Variants in GDF1 observed in about 807,000 individuals in gnomAD.
The protein encoded by GDF1 is embryonic growth/differentiation factor 1.
Under a neutral mutation model 7.4 loss-of-function variants are expected in GDF1, and 8 were observed. The observed-to-expected ratio is 1.09, with a 90% confidence interval of 0.64 to 1.96. The LOEUF is 1.96. Among genes scored for constraint, GDF1 ranks in the 30% most tolerant of loss-of-function variants. The probability of loss-of-function intolerance (pLI) is 0.00; values close to 1 mark genes in which losing one functional copy is unlikely to be tolerated. For missense variants in GDF1, 574 were observed against 551.5 expected (o/e 1.04, Z -0.41); for synonymous variants, 311 against 276.7 (o/e 1.12, Z -1.23).
chr19:18,885,329 T>C (rs1425934003), intron 2 of GDF1, among the ~76,000 whole-genome samples: 1 of 151,644 alleles, frequency 6.6e-6, no homozygotes, highest in African/African-American at 2.4e-5. Flanking sequence ...GCCTCCTGAG[T>C]AGCTGGGACC....
rs1427840404 is a variant in GDF1 at position 18,868,877 on chromosome 19, C to G, written c.839G>C (p.Gly280Ala). ...CGGCGCGATGACCCAGCGGTGCCAG[C>G]CCACCTCGCGGAAGCTCACGTACAG... ...RRLYVSFREV[G>A]WHRWVIAPRG... Residue 280 changes from glycine (G) to alanine (A), a missense_variant, in exon 8 of 8, where the codon GGC becomes GCC. Gly to Ala is a moderately conservative substitution (Grantham distance 60). Transcript: ENST00000247005. The G allele has an allele frequency of 3.5e-6, 5 of 1,434,632 alleles. No homozygotes were observed. In the African/African-American group the frequency reaches 7.5e-5, roughly 22 times the overall value. The allele number at this position is 1,434,632 out of a possible 1,614,324, so 88.9% of individuals were successfully genotyped here. A position where few individuals can be genotyped will look rare whatever the true frequency, so the allele number is the denominator to read the frequency against.
Position 18,870,069 on chromosome 19 carries a change from C to T in GDF1, c.239G>A (p.Arg80Gln). 6.3e-7 allele frequency: 1 copy of T among 1,582,668 alleles called. No homozygotes were observed. Among genetic ancestry groups the T allele is most frequent in the South Asian group, 1.1e-5 (1 of 87,752 alleles). ...TTGCAGGGTGACCCCTGGGGACGTC[C>T]GCCGCGAGCCAGACCTGGTCTCCTG... ...DPQETRSGSR[R>Q]TSPGVTLQPC... Residue 80 changes from arginine to glutamine, a missense_variant, in exon 7 of 8, where the codon CGG becomes CAG. Physicochemically the swap from Arg to Gln is conservative, Grantham distance 43 (BLOSUM62 1). Transcript: ENST00000247005. The surrounding 1 kb of genome is among the most constrained non-coding windows in gnomAD (Gnocchi z 5.1).
Position 18,869,242 on chromosome 19 carries a change from G to GGCTGCC in GDF1, c.468_473dup (p.Ala157_Ala158dup). 1.4e-6 allele frequency: 2 copies of GGCTGCC among 1,420,244 alleles called. No individual in the cohort carries two copies. 88.0% of individuals were successfully genotyped at this position (1,420,244 alleles called of 1,614,324 possible). Reference sequence around the variant, plus strand: ...CGCTCAGCTCCCAGCCGCCCTCCGGGGCTGCCGCCGCCGCCGCCGCGAAAC... The same window carrying GGCTGCC: ...CGCTCAGCTCCCAGCCGCCCTCCGGGGCTGCCGCTGCCGCCGCCGCCGCCGCGAAAC... On this transcript the variant is annotated inframe_insertion, in exon 8 of 8. Transcript: ENST00000247005.
rs2056620858 is a variant in GDF1 at position 18,896,068 on chromosome 19, G to A, written c.-1318C>T. On this transcript the variant is annotated 5_prime_UTR_variant, in exon 1 of 8. Transcript: ENST00000247005. This position sits in a 1 kb window ranked among gnomAD's most constrained non-coding sequence, Gnocchi z 5.9. ...CGGCCCCGCCGCGGGCCCCGCCGCC[G>A]CCATACCGCCCGCTCGCCCGCCGTG... The A allele has an allele frequency of 1.0e-6, 1 of 972,140 alleles. No individual in the cohort carries two copies. Among genetic ancestry groups the A allele is most frequent in the Non-Finnish European group, 1.2e-6 (1 of 819,912 alleles). The allele number at this position is 972,140 out of a possible 1,614,324, so 60.2% of individuals were successfully genotyped here.
chr19:18,879,466 A>C, intron 4 of GDF1, 78 bp from the exon 5 acceptor site: 4 of 1,496,528 alleles, frequency 2.7e-6, no homozygotes, highest in Non-Finnish European at 3.6e-6. Flanking sequence ...CCCGTCCTAG[A>C]CCCACCCTTG....
rs1568302724 is a variant in GDF1 at position 18,885,520 on chromosome 19, T to TTTTG, written c.-913-1254_-913-1253insCAAA. ...CCCAGCGCCCCTTCTCGTTTTTTTT[T>TTTTG]TTTTTTTTTTTTTTTTTGAGATGGA... is the stretch of plus-strand genomic sequence containing the variant. On this transcript the variant is annotated intron_variant, in intron 2 of 7. Coordinates refer to ENST00000247005, the MANE Select transcript of GDF1 (RefSeq NM_001492.6). Among the ~76,000 whole-genome samples, 23 of 144,742 alleles carry TTTTG rather than the reference T, an allele frequency of 1.6e-4. 2 individuals carry two copies. Among genetic ancestry groups the TTTTG allele is most frequent in the African/African-American group, 1.8e-4 (7 of 38,554 alleles). 95.0% of individuals were successfully genotyped at this position (144,742 alleles called of 152,430 possible). A position where few individuals can be genotyped will look rare whatever the true frequency, so the allele number is the denominator to read the frequency against.
chr19:18,875,903 T>TA (rs2056052686), intron 6 of GDF1, among the ~76,000 whole-genome samples: 1 of 152,234 alleles, frequency 6.6e-6, no homozygotes, highest in Non-Finnish European at 1.5e-5. Context: ...GATCCTCGCT[T>TA]AGAGTTCCCA....
chr19:18,869,618 T>C (rs1270013355), intron 7 of GDF1, among the ~76,000 whole-genome samples: 1 of 127,766 alleles, frequency 7.8e-6, no homozygotes, highest in Non-Finnish European at 1.7e-5. Flanking sequence ...GCGGGGGGCA[T>C]AGGAGGAGGG....
intron 2 of GDF1, among the ~76,000 whole-genome samples, chr19:18,886,763 G>A (rs972001322): frequency 5.3e-5 from 8 of 151,990 alleles, no homozygotes; most frequent in Non-Finnish European, 1.2e-4. Context: ...GCCTCCAGAT[G>A]CCCCATGAAC....
chr19:18,869,896 T>C, intron 7 of GDF1, 87 bp downstream of exon 7: 4 of 1,337,222 alleles, frequency 3.0e-6, no homozygotes, highest in Non-Finnish European at 4.2e-6. Flanking sequence ...CCCTCGGAGC[T>C]GCTCGGGCAT....
intron 2 of GDF1, 62 bp from the exon 3 acceptor site, chr19:18,884,329 A>C (rs1601173388): frequency 2.0e-6 from 3 of 1,470,622 alleles, no homozygotes; most frequent in Non-Finnish European, 1.8e-6. Flanking sequence ...CGCCTCCATG[A>C]CCCGGTGACA....
chr19:18,888,536 A>C (rs796537422), intron 2 of GDF1, among the ~76,000 whole-genome samples: 76 of 148,654 alleles, frequency 5.1e-4, no homozygotes, highest in African/African-American at 7.3e-4. Flanking sequence ...AAAAAAAAAA[A>C]AAAAAAAAAA....
At chr19:18,893,659 G>A (rs1487552251) in intron 1 of GDF1, 84 bp from the exon 2 acceptor site, 10 of 1,391,634 alleles carry the variant, frequency 7.2e-6, no homozygotes, top group Non-Finnish European at 9.8e-6. Context: ...GAGGCCCAGG[G>A]ACTCCCCAGG....
chr19:18,877,319 G>A (rs1601158563), intron 6 of GDF1, among the ~76,000 whole-genome samples: 1 of 152,138 alleles, frequency 6.6e-6, no homozygotes, highest in South Asian at 2.1e-4. Flanking sequence ...CTGCACCTCC[G>A]AGGATGTCCC....
rs1460091047 is a variant in GDF1 at position 18,870,755 on chromosome 19, T to TCCTCCTCGCCTTCACCCTGCC, written c.-312-157_-312-137dup. On this transcript the variant is annotated intron_variant, in intron 6 of 7. Transcript: ENST00000247005. The surrounding 1 kb of genome is among the most constrained non-coding windows in gnomAD (Gnocchi z 5.1). ...CAGGCCCGGGCCTCGCCTTGTGGCTTCCTCCTCGCCTTCACCCTGCCCCTC... is the reference window on the plus strand; with the variant it reads ...CAGGCCCGGGCCTCGCCTTGTGGCTTCCTCCTCGCCTTCACCCTGCCCCTCCTCGCCTTCACCCTGCCCCTC... 9.0e-6 allele frequency: 4 copies of TCCTCCTCGCCTTCACCCTGCC among 442,270 alleles called. No individual in the cohort carries two copies. The highest frequency in any genetic ancestry group is 8.2e-5 in the African/African-American group (4 of 48,720). The allele number at this position is 442,270 out of a possible 1,614,324, so 27.4% of individuals were successfully genotyped here.
At position 18,870,269 on chromosome 19, in the gene GDF1, G is replaced by C; in HGVS notation, c.39C>G (p.Leu13=). ...GCAGCAGCAGGGCCAGGAGGAGGAG[G>C]AGGTGGTGGCCGCAGGGACCTTGCT... The part of the protein sequence containing the change: ...PPQQGPCGHH[L]LLLLALLLPS... The change falls in exon 7 of 8, where the codon CTC becomes CTG. Residue 13 remains leucine, a synonymous_variant. Coordinates refer to ENST00000247005, the MANE Select transcript of GDF1 (RefSeq NM_001492.6). This position sits in a 1 kb window ranked among gnomAD's most constrained non-coding sequence, Gnocchi z 5.1. 1 of 1,550,524 alleles carries C rather than the reference G, an allele frequency of 6.4e-7. No homozygotes were observed. The highest frequency in any genetic ancestry group is 8.7e-7 in the Non-Finnish European group (1 of 1,149,864).
chr19:18,892,949 C>A (rs2056529098), intron 2 of GDF1, among the ~76,000 whole-genome samples: 2 of 152,104 alleles, frequency 1.3e-5, no homozygotes, highest in Non-Finnish European at 2.9e-5. Flanking sequence ...CAGAGTCTCG[C>A]TCTGTTGCCC....
rs1335008737 is a variant in GDF1, at chr19:18,868,780, C to T, written c.936G>A (p.Pro312=). 6.8e-7 allele frequency: 1 copy of T among 1,465,014 alleles called. No individual in the cohort carries two copies. Among genetic ancestry groups the T allele is most frequent in the Non-Finnish European group, 9.1e-7 (1 of 1,099,828 alleles). 90.8% of individuals were successfully genotyped at this position (1,465,014 alleles called of 1,614,324 possible). ...GCAGCACAGCGTGGTTGAGCGCCGG[C>T]GGCCCCCCGGACCCCGACAGCGCGA... ...LPVALSGSGG[P]PALNHAVLRA... The change falls in exon 8 of 8, where the codon CCG becomes CCA. Residue 312 remains proline (P), a synonymous_variant. Transcript: ENST00000247005.
At chr19:18,893,081 T>C (rs2056534321) in intron 2 of GDF1, among the ~76,000 whole-genome samples, 1 of 151,716 alleles carries the variant, frequency 6.6e-6, no homozygotes. Flanking sequence ...ACCCGGCTAA[T>C]TTTTTGTATT....
Sources: allele counts gnomAD v4.1 joint callset (sites outside exome capture counted in the v4.1 genomes callset), GRCh38; gene constraint gnomAD v4.1.1; non-coding constraint Gnocchi (gnomAD v3.1); transcripts MANE v1.5; gene names NCBI Gene and HGNC (gene_info 2026-07-23, HGNC 2026-07-21).